ZFHX3: variants seen among roughly 807,000 people sequenced by gnomAD.
ZFHX3 encodes the protein zinc finger homeobox 3.
ZFHX3 carries 42 observed loss-of-function variants against 279.1 expected under a neutral mutation model. The observed-to-expected ratio is 0.15, with a 90% CI of 0.12 to 0.19. ZFHX3 has a LOEUF of 0.19. ZFHX3 is among the 10% of genes least tolerant of loss of function. The pLI, the probability that ZFHX3 is intolerant of heterozygous loss-of-function variation, is 1.00. For missense variants in ZFHX3, 4,981 were observed against 4,754.0 expected, an observed-to-expected ratio of 1.05 and a Z score of -1.40; for synonymous variants, 2,293 against 1,957.8, an observed-to-expected ratio of 1.17 and a Z score of -4.52.
intron 2 of ZFHX3, among the ~76,000 whole-genome samples, chr16:73,496,538 C>T (rs560625126): frequency 4.6e-4 from 70 of 152,186 alleles, no homozygotes; most frequent in Non-Finnish European, 8.4e-4. Flanking sequence ...CTTAAACAAA[C>T]AAACAAAAAA....
chr16:73,168,217 T>TTCTTTCTTTCTTTCTTTCTC (rs1967428165), intron 5 of ZFHX3, among the ~76,000 whole-genome samples: 1 of 108,602 alleles, frequency 9.2e-6, no homozygotes, highest in Non-Finnish European at 1.8e-5. Context: ...TTTGTTTTCT[T>TTCTTTCTTTCTTTCTTTCTC]TCTTTCTTTC....
In ZFHX3 at chr16:72,787,648, G is replaced by A. The variant is rs780044793; in HGVS notation, c.10628C>T (p.Ala3543Val). Residue 3543 changes from alanine (A) to valine (V), a missense_variant, in exon 10 of 10, where the codon GCT becomes GTT. Coordinates refer to ENST00000268489, the MANE Select transcript of ZFHX3 (RefSeq NM_006885.4). Reference protein sequence around the residue: ...ACESALCGEEALSQHLESALH... With the variant: ...ACESALCGEEVLSQHLESALH... The stretch of plus-strand genomic sequence containing the variant: ...GGCCGACTCGAGATGTTGACTCAGA[G>A]CTTCCTCCCCACAGAGCGCGCTCTC... 2 of 1,609,568 alleles carry A rather than the reference G, an allele frequency of 1.2e-6. No homozygotes were observed.
intron 3 of ZFHX3, among the ~76,000 whole-genome samples, chr16:73,327,829 T>C (rs747767493): frequency 6.6e-6 from 1 of 152,214 alleles, no homozygotes; most frequent in Admixed American, 6.5e-5. Context: ...CAGTTTTGTT[T>C]CTGTCATTTG....
chr16:73,085,337 C>G (rs184607077), intron 8 of ZFHX3, among the ~76,000 whole-genome samples: 1 of 152,322 alleles, frequency 6.6e-6, no homozygotes, highest in Admixed American at 6.5e-5. Flanking sequence ...TCTTGGCTCA[C>G]TGCAACCTCT....
intron 1 of ZFHX3, among the ~76,000 whole-genome samples, chr16:72,987,562 T>A (rs1221449542): frequency 6.6e-6 from 1 of 152,180 alleles, no homozygotes; most frequent in African/African-American, 2.4e-5. Context: ...TGTACACATG[T>A]ATGCTTCAAT....
At chr16:73,176,739 C>G (rs1283303632) in intron 5 of ZFHX3, among the ~76,000 whole-genome samples, 1 of 151,530 alleles carries the variant, frequency 6.6e-6, no homozygotes, top group East Asian at 1.9e-4. Context: ...AAAATGTAGG[C>G]TAGACAAGAG....
chr16:73,050,178 A>G (rs951236717), upstream of ZFHX3, among the ~76,000 whole-genome samples: 8 of 152,208 alleles, frequency 5.3e-5, no homozygotes, highest in African/African-American at 1.9e-4. Flanking sequence ...CCACAGACAA[A>G]TACCTTCAAT....
intron 3 of ZFHX3, among the ~76,000 whole-genome samples, chr16:72,925,613 T>C (rs994421088): frequency 6.6e-6 from 1 of 152,262 alleles, no homozygotes. Context: ...GTCCCGTGTC[T>C]TTCCCTTATC....
At position 72,863,134 on chromosome 16, in the gene ZFHX3, T is replaced by C. The variant is rs543093197; in HGVS notation, c.3448+26597A>G. Among the ~76,000 whole-genome samples the C allele has an allele frequency of 2.9e-3, 436 of 152,070 alleles. 5 individuals carry two copies. The highest frequency in any genetic ancestry group is 4.9e-3 in the Non-Finnish European group (333 of 67,990). Reference sequence around the variant, plus strand: ...AATCCATGTATTAGGGAATTTTTAATATGAACTCAATATTTGATGATTCCA... The same window carrying C: ...AATCCATGTATTAGGGAATTTTTAACATGAACTCAATATTTGATGATTCCA... On this transcript the variant is annotated intron_variant, in intron 4 of 9. Transcript: ENST00000268489.
intron 8 of ZFHX3, among the ~76,000 whole-genome samples, chr16:73,065,566 GGTGTGTGT>G (rs10540025): frequency 0.061 from 8,858 of 144,498 alleles, 328 homozygotes; most frequent in South Asian, 0.14. Context: ...AGCTTTTCCT[GGTGTGTGT>G]GTGTGTGTGT....
intron 4 of ZFHX3, chr16:73,294,415 A>C (rs2014852222): frequency 6.6e-6 from 1 of 152,274 alleles, no homozygotes; most frequent in Non-Finnish European, 1.5e-5. Flanking sequence ...TTCTACAAAC[A>C]ACAGCAACGA....
intron 4 of ZFHX3, among the ~76,000 whole-genome samples, chr16:72,863,490 C>T (rs976701634): frequency 1.3e-5 from 2 of 151,428 alleles, no homozygotes; most frequent in African/African-American, 4.9e-5. Context: ...TGCACTCCAA[C>T]TTGGGTGACA....
intron 3 of ZFHX3, among the ~76,000 whole-genome samples, chr16:72,896,240 A>C (rs2038897326): frequency 6.6e-6 from 1 of 152,072 alleles, no homozygotes; most frequent in South Asian, 2.1e-4. Context: ...AGTCAAAGAG[A>C]CCTTTTCTTG....
intron 4 of ZFHX3, among the ~76,000 whole-genome samples, chr16:73,316,615 G>C (rs1045324368): frequency 6.6e-6 from 1 of 152,136 alleles, no homozygotes; most frequent in Non-Finnish European, 1.5e-5. Context: ...TTGAAAGAAA[G>C]GATCTCGTCT....
chr16:73,474,639 T>TA (rs2018733725), intron 2 of ZFHX3, among the ~76,000 whole-genome samples: 1 of 152,098 alleles, frequency 6.6e-6, no homozygotes, highest in African/African-American at 2.4e-5. Context: ...AGTCCCCTCT[T>TA]ACAAGCAGAT....
chr16:73,678,523 A>G (rs1328083599), intron 2 of ZFHX3, among the ~76,000 whole-genome samples: 1 of 152,194 alleles, frequency 6.6e-6, no homozygotes, highest in African/African-American at 2.4e-5. Flanking sequence ...TCATAAAAAT[A>G]CTATTTTATA....
Position 72,788,273 on chromosome 16 carries a change from T to C in ZFHX3, c.10003A>G (p.Met3335Val). Residue 3335 changes from methionine to valine, a missense_variant, in exon 10 of 10, where the codon ATG (methionine) becomes GTG (valine). By Grantham distance (21) the Met-to-Val change is conservative. This residue lies in a region of ZFHX3 where 1,034 missense variants were observed against 786.0 expected (regional missense o/e 1.32). Transcript: ENST00000268489. Reference protein sequence around the residue: ...GALQSGYLQPMYGMEGLFPYS... With the variant: ...GALQSGYLQPVYGMEGLFPYS... The stretch of plus-strand genomic sequence containing the variant: ...GGGAACAGGCCTTCCATGCCATACA[T>C]AGGCTGCAGGTACCCGCTCTGCAGG... 1.2e-5 allele frequency: 19 copies of C among 1,614,160 alleles called. No homozygotes were observed. The highest frequency in any genetic ancestry group is 1.4e-5 in the Non-Finnish European group (17 of 1,180,042).
intron 4 of ZFHX3, among the ~76,000 whole-genome samples, chr16:73,272,801 C>G (rs902011701): frequency 6.6e-6 from 1 of 152,172 alleles, no homozygotes; most frequent in African/African-American, 2.4e-5. Flanking sequence ...GGCTGGAGCA[C>G]AGTGGCGATG....
At chr16:72,955,895 T>C (rs1961230792) in intron 2 of ZFHX3, among the ~76,000 whole-genome samples, 1 of 152,052 alleles carries the variant, frequency 6.6e-6, no homozygotes, top group Admixed American at 6.5e-5. Context: ...CCTCCCGAGA[T>C]TCTATGACTC....
Sources: gnomAD v4.1 joint callset for allele counts (sites outside exome capture counted in the v4.1 genomes callset) on GRCh38, gnomAD v4.1.1 for gene constraint, gnomAD v4.1.1 regional missense constraint, MANE v1.5 for transcripts, NCBI Gene and HGNC (gene_info 2026-07-23, HGNC 2026-07-21) for gene names.